Variants in AGPS observed in about 807,000 individuals in gnomAD.
The protein encoded by AGPS is alkylglycerone phosphate synthase.
Under a neutral mutation model 90.7 loss-of-function variants are expected in AGPS, and 26 were observed. The ratio of observed to expected loss-of-function variants is 0.29; its 90% CI spans 0.21 to 0.40. The LOEUF is 0.40. AGPS is among the 10% of genes least tolerant of loss of function. AGPS has a pLI of 1.00. For synonymous variants in AGPS, 294 were observed against 285.3 expected, an observed-to-expected ratio of 1.03 and a Z score of -0.31; for missense variants, 540 against 816.1, an observed-to-expected ratio of 0.66 and a Z score of 4.12.
intron 11 of AGPS, among the ~76,000 whole-genome samples, chr2:177,484,364 G>A (rs1688034403): frequency 6.6e-6 from 1 of 151,742 alleles, no homozygotes; most frequent in African/African-American, 2.4e-5. Flanking sequence ...GTTTTTTTAA[G>A]ATGGAATCCT....
intron 16 of AGPS, among the ~76,000 whole-genome samples, chr2:177,513,545 G>T (rs904747851): frequency 6.6e-6 from 1 of 152,124 alleles, no homozygotes; most frequent in Non-Finnish European, 1.5e-5. Flanking sequence ...GCTTTCCTAA[G>T]TGTAGGAAAC....
chr2:177,441,691 C>T (rs1686606595), intron 6 of AGPS, among the ~76,000 whole-genome samples: 1 of 152,098 alleles, frequency 6.6e-6, no homozygotes, highest in Non-Finnish European at 1.5e-5. Context: ...TCATGCAGAA[C>T]TTATGGAAGT....
At chr2:177,408,752 T>C (rs1685539404) in intron 1 of AGPS, among the ~76,000 whole-genome samples, 1 of 152,208 alleles carries the variant, frequency 6.6e-6, no homozygotes, top group Non-Finnish European at 1.5e-5. Flanking sequence ...TTTGGTAAGG[T>C]TTGGGTGAGA....
intron 1 of AGPS, among the ~76,000 whole-genome samples, chr2:177,416,912 C>T (rs955704179): frequency 6.6e-6 from 1 of 152,066 alleles, no homozygotes; most frequent in Non-Finnish European, 1.5e-5. Flanking sequence ...GTTAATTGAC[C>T]TCTGGGGTTA....
chr2:177,407,817 A>G (rs79181495), intron 1 of AGPS, among the ~76,000 whole-genome samples: 1 of 149,060 alleles, frequency 6.7e-6, no homozygotes, highest in South Asian at 2.1e-4. Context: ...TTTAAAAAAA[A>G]GAGGTGGGGT....
At chr2:177,537,004 T>C (rs1212651237) in intron 19 of AGPS, among the ~76,000 whole-genome samples, 1 of 152,166 alleles carries the variant, frequency 6.6e-6, no homozygotes, top group Non-Finnish European at 1.5e-5. Flanking sequence ...AGTTGGTCAA[T>C]TAAATCACTG....
At chr2:177,459,627 C>G (rs1187157084) in intron 8 of AGPS, among the ~76,000 whole-genome samples, 1 of 152,220 alleles carries the variant, frequency 6.6e-6, no homozygotes, top group Non-Finnish European at 1.5e-5. Flanking sequence ...GATACCATTT[C>G]ACGCCAGTTA....
chr2:177,396,939 T>TTTC (rs1178303803), intron 1 of AGPS, among the ~76,000 whole-genome samples: 2 of 144,358 alleles, frequency 1.4e-5, no homozygotes, highest in Non-Finnish European at 3.1e-5. Context: ...TTCTTTTTCT[T>TTTC]TTCTTTTTTT....
intron 18 of AGPS, 125 bp downstream of exon 18, chr2:177,521,493 T>C (rs1330936284): frequency 1.7e-5 from 14 of 826,086 alleles, no homozygotes; most frequent in Admixed American, 2.0e-5. Flanking sequence ...CTGTTAGCCC[T>C]TAGAAATGAA....
chr2:177,461,800 C>T, intron 8 of AGPS, 93 bp from the exon 9 acceptor site: 1 of 967,300 alleles, frequency 1.0e-6, no homozygotes, highest in Non-Finnish European at 1.5e-6. Flanking sequence ...ATATCAATGA[C>T]ATGGAAATTT....
intron 8 of AGPS, among the ~76,000 whole-genome samples, chr2:177,451,874 G>A (rs1234782623): frequency 1.3e-5 from 2 of 151,946 alleles, no homozygotes; most frequent in Non-Finnish European, 2.9e-5. Context: ...CACCAATTTT[G>A]ATATGTTTAT....
chr2:177,479,666 T>G (rs970368068), intron 10 of AGPS, among the ~76,000 whole-genome samples: 1 of 152,158 alleles, frequency 6.6e-6, no homozygotes, highest in South Asian at 2.1e-4. Flanking sequence ...AATAAGCCAG[T>G]CAGAAGGCCA....
intron 6 of AGPS, among the ~76,000 whole-genome samples, chr2:177,441,692 T>G (rs953754638): frequency 6.6e-6 from 1 of 152,194 alleles, no homozygotes; most frequent in African/African-American, 2.4e-5. Flanking sequence ...CATGCAGAAC[T>G]TATGGAAGTA....
rs546402394 is a variant in AGPS at position 177,450,045 on chromosome 2, G to C, written c.870+4419G>C. Among the ~76,000 whole-genome samples the C allele has an allele frequency of 6.0e-4, 92 of 152,154 alleles. No individual in the cohort carries two copies. The Middle Eastern group carries it at 0.01, about 17-fold the overall frequency. On this transcript the variant is annotated intron_variant, in intron 8 of 19. Coordinates refer to ENST00000264167, the MANE Select transcript of AGPS (RefSeq NM_003659.4). Reference sequence around the variant, plus strand: ...GTAGAGACGGGTTTTCACCGCGTTAGCCAGGATGGTCTTGATCTCCTGACC... The same window carrying C: ...GTAGAGACGGGTTTTCACCGCGTTACCCAGGATGGTCTTGATCTCCTGACC...
At chr2:177,399,341 G>A (rs184869636) in intron 1 of AGPS, among the ~76,000 whole-genome samples, 79 of 152,182 alleles carry the variant, frequency 5.2e-4, no homozygotes, top group African/African-American at 1.6e-3. Flanking sequence ...AGAGTCTACC[G>A]TTGTAGCATA....
intron 7 of AGPS, among the ~76,000 whole-genome samples, chr2:177,443,994 G>C (rs545541315): frequency 6.6e-6 from 1 of 151,526 alleles, no homozygotes; most frequent in Non-Finnish European, 1.5e-5. Flanking sequence ...CAGTCTGTTG[G>C]GGGAGAAGAT....
intron 2 of AGPS, among the ~76,000 whole-genome samples, chr2:177,426,748 G>A (rs765159505): frequency 6.6e-6 from 1 of 152,136 alleles, no homozygotes; most frequent in Non-Finnish European, 1.5e-5. Flanking sequence ...GCTTTTTGAT[G>A]TATTGCTGGG....
At chr2:177,437,328 A>G (rs192263202) in intron 5 of AGPS, among the ~76,000 whole-genome samples, 1 of 152,228 alleles carries the variant, frequency 6.6e-6, no homozygotes, top group East Asian at 1.9e-4. Flanking sequence ...ATTTTTGGAT[A>G]ATTTGGAAGC....
chr2:177,457,834 A>G (rs1687164686), intron 8 of AGPS, among the ~76,000 whole-genome samples: 1 of 152,238 alleles, frequency 6.6e-6, no homozygotes, highest in African/African-American at 2.4e-5. Flanking sequence ...AACTCATTTT[A>G]TGAGGCCAGC....
Sources: gnomAD v4.1 joint callset for allele counts (sites outside exome capture counted in the v4.1 genomes callset) on GRCh38, gnomAD v4.1.1 for gene constraint, MANE v1.5 for transcripts, NCBI Gene and HGNC (gene_info 2026-07-23, HGNC 2026-07-21) for gene names.